The following SNTG1 variants were observed in gnomAD, a reference collection of about 807,000 sequenced individuals.
SNTG1 encodes the protein syntrophin gamma 1.
SNTG1 carries 39 observed loss-of-function variants against 74.7 expected under a neutral mutation model. The observed-to-expected ratio is 0.52, with a 90% CI of 0.40 to 0.68. SNTG1 has a LOEUF of 0.68. Among genes scored for constraint, SNTG1 ranks in the 30% least tolerant of loss-of-function variants. The pLI is 0.00. For missense variants in SNTG1, 685 were observed against 609.5 expected (o/e 1.12, Z -1.30); for synonymous variants, 254 against 217.1 (o/e 1.17, Z -1.49).
intron 13 of SNTG1, among the ~76,000 whole-genome samples, chr8:50,629,014 T>TA (rs1157924612): frequency 9.5e-4 from 144 of 152,258 alleles, no homozygotes; most frequent in African/African-American, 3.3e-3. Context: ...ATGTGGAAGC[T>TA]AAAAACCTTG....
At chr8:50,785,081 A>G (rs948632681) in intron 18 of SNTG1, among the ~76,000 whole-genome samples, 4 of 152,024 alleles carry the variant, frequency 2.6e-5, no homozygotes, top group Non-Finnish European at 4.4e-5. Flanking sequence ...AACTTCAAAT[A>G]CTATATTAAG....
At chr8:50,466,135 G>A (rs1264045409) in intron 8 of SNTG1, among the ~76,000 whole-genome samples, 1 of 151,974 alleles carries the variant, frequency 6.6e-6, no homozygotes, top group South Asian at 2.1e-4. Flanking sequence ...CAAGCTCAAG[G>A]TTATTTTATA....
At chr8:49,984,514 T>G (rs1812976954) in intron 1 of SNTG1, among the ~76,000 whole-genome samples, 1 of 152,130 alleles carries the variant, frequency 6.6e-6, no homozygotes, top group Non-Finnish European at 1.5e-5. Context: ...CTAGATAGGG[T>G]CAAATATAAA....
intron 8 of SNTG1, among the ~76,000 whole-genome samples, chr8:50,459,036 T>G (rs1321232932): frequency 6.6e-6 from 1 of 152,160 alleles, no homozygotes; most frequent in Admixed American, 6.5e-5. Flanking sequence ...ATTCTAACGG[T>G]TTTATAGTTT....
chr8:50,101,028 G>C (rs542330926), intron 1 of SNTG1, among the ~76,000 whole-genome samples: 1 of 152,134 alleles, frequency 6.6e-6, no homozygotes, highest in South Asian at 2.1e-4. Context: ...AAGAACATAT[G>C]GTATTTGGTT....
chr8:50,779,995 T>C (rs2095653962), intron 18 of SNTG1, among the ~76,000 whole-genome samples: 1 of 152,192 alleles, frequency 6.6e-6, no homozygotes, highest in South Asian at 2.1e-4. Flanking sequence ...GTTTATATGC[T>C]GGATTACATT....
At chr8:50,048,346 G>T (rs1819278287) in intron 1 of SNTG1, among the ~76,000 whole-genome samples, 1 of 152,116 alleles carries the variant, frequency 6.6e-6, no homozygotes, top group South Asian at 2.1e-4. Context: ...TTGTATATAT[G>T]AAATAAGAAA....
chr8:50,154,640 C>A (rs917278148), intron 1 of SNTG1, among the ~76,000 whole-genome samples: 1 of 152,208 alleles, frequency 6.6e-6, no homozygotes, highest in African/African-American at 2.4e-5. Context: ...CTGTGATATT[C>A]TTCACAAAAA....
intron 2 of SNTG1, among the ~76,000 whole-genome samples, chr8:50,279,842 T>C (rs1362860468): frequency 6.6e-6 from 1 of 152,098 alleles, no homozygotes; most frequent in African/African-American, 2.4e-5. Flanking sequence ...AAAAGTACAG[T>C]GAAAAAGAAC....
chr8:50,784,140 C>T (rs74936467), intron 18 of SNTG1, among the ~76,000 whole-genome samples: 12,110 of 152,128 alleles, frequency 0.08, 536 homozygotes, highest in Non-Finnish European at 0.098. Flanking sequence ...TCACTGATCC[C>T]GCCCTGAGTA....
intron 1 of SNTG1, among the ~76,000 whole-genome samples, chr8:49,915,484 T>A (rs1408317024): frequency 6.6e-6 from 1 of 152,214 alleles, no homozygotes; most frequent in Non-Finnish European, 1.5e-5. Context: ...CTTAATGGTA[T>A]AAATATAAGT....
intron 4 of SNTG1, among the ~76,000 whole-genome samples, chr8:50,417,648 T>C (rs1456876770): frequency 1.3e-5 from 2 of 152,170 alleles, no homozygotes; most frequent in East Asian, 3.9e-4. Flanking sequence ...CTCCCTTAGA[T>C]GACAATGTCG....
intron 15 of SNTG1, among the ~76,000 whole-genome samples, chr8:50,686,594 T>C (rs2095353481): frequency 6.6e-6 from 1 of 152,244 alleles, no homozygotes; most frequent in South Asian, 2.1e-4. Flanking sequence ...GTTTTAAAAA[T>C]AATTTTTAAA....
chr8:49,925,171 A>T (rs1315885198), intron 1 of SNTG1, among the ~76,000 whole-genome samples: 1 of 152,106 alleles, frequency 6.6e-6, no homozygotes, highest in African/African-American at 2.4e-5. Flanking sequence ...TAAATAAATA[A>T]AATAAACAAA....
intron 18 of SNTG1, among the ~76,000 whole-genome samples, chr8:50,790,871 G>T (rs1159298433): frequency 6.6e-6 from 1 of 151,540 alleles, no homozygotes; most frequent in Non-Finnish European, 1.5e-5. Flanking sequence ...GTTTATTTTT[G>T]GTAACCAAAA....
intron 16 of SNTG1, 72 bp from the exon 17 acceptor site, chr8:50,708,814 C>A: frequency 1.1e-6 from 1 of 946,162 alleles, no homozygotes; most frequent in Non-Finnish European, 1.7e-6. Flanking sequence ...ATTGCAGAAG[C>A]TGTAACATAG....
chr8:49,995,640 A>G (rs1471207546), intron 1 of SNTG1, among the ~76,000 whole-genome samples: 8 of 152,228 alleles, frequency 5.3e-5, no homozygotes, highest in Admixed American at 3.9e-4. Context: ...GTGTAAAAGA[A>G]TACTGCAGTG....
intron 2 of SNTG1, among the ~76,000 whole-genome samples, chr8:50,296,747 TC>T (rs1417231706): frequency 1.3e-5 from 2 of 151,978 alleles, no homozygotes; most frequent in African/African-American, 2.4e-5. Flanking sequence ...ACCTGAATGT[TC>T]TGCACATGTA....
intron 1 of SNTG1, among the ~76,000 whole-genome samples, chr8:50,063,502 T>C (rs1820648592): frequency 6.6e-6 from 1 of 152,182 alleles, no homozygotes; most frequent in African/African-American, 2.4e-5. Context: ...ATCAGGATAC[T>C]TTGGCTATCT....
Sources: allele counts gnomAD v4.1 joint callset (sites outside exome capture counted in the v4.1 genomes callset), GRCh38; gene constraint gnomAD v4.1.1; transcripts MANE v1.5; gene names NCBI Gene and HGNC (gene_info 2026-07-23, HGNC 2026-07-21).